The following ZBTB20 variants were observed in gnomAD, a reference collection of about 807,000 sequenced individuals.
ZBTB20 encodes zinc finger and BTB domain containing 20.
Under a neutral mutation model 56.9 loss-of-function variants are expected in ZBTB20, and 9 were observed. The ratio of observed to expected loss-of-function variants is 0.16; its 90% CI spans 0.10 to 0.28. The LOEUF is 0.28. ZBTB20 is among the 10% of genes least tolerant of loss of function. ZBTB20 has a pLI of 1.00. For missense variants in ZBTB20, 655 were observed against 1,003.0 expected, an observed-to-expected ratio of 0.65 and a Z score of 4.69; for synonymous variants, 417 against 420.7, an observed-to-expected ratio of 0.99 and a Z score of 0.11.
chr3:114,409,759 T>C (rs2087746415), intron 7 of ZBTB20, among the ~76,000 whole-genome samples: 1 of 152,100 alleles, frequency 6.6e-6, no homozygotes, highest in African/African-American at 2.4e-5. Flanking sequence ...ACATCTGAAA[T>C]GAAGATGTGC....
chr3:114,496,949 C>T (rs572387567), intron 7 of ZBTB20, among the ~76,000 whole-genome samples: 8 of 152,274 alleles, frequency 5.3e-5, no homozygotes, highest in African/African-American at 9.6e-5. Flanking sequence ...AGGAGGCACG[C>T]GAGCCTGGTG....
At chr3:114,345,676 C>A (rs2080129679) in intron 11 of ZBTB20, among the ~76,000 whole-genome samples, 1 of 152,060 alleles carries the variant, frequency 6.6e-6, no homozygotes, top group Non-Finnish European at 1.5e-5. Context: ...GGCTCCATTG[C>A]CTGAGTTTCT....
At position 115,119,239 on chromosome 3, in the gene ZBTB20, G is replaced by T. The variant is rs553260700; in HGVS notation, c.-703+27980C>A. 2.1e-4 allele frequency among the ~76,000 whole-genome samples: 32 copies of T among 152,196 alleles called. No homozygotes were observed. The East Asian group carries it at 6.0e-3, about 28-fold the overall frequency. On this transcript the variant is annotated intron_variant, in intron 1 of 11. Transcript: ENST00000675478. ...AAGAAACAGAGTATAAAAGTTAAAG[G>T]TATGTGGGTTCTGATTCAGATTGCT...
At chr3:114,636,195 T>A (rs1393968048) in intron 6 of ZBTB20, among the ~76,000 whole-genome samples, 1 of 152,112 alleles carries the variant, frequency 6.6e-6, no homozygotes, top group Non-Finnish European at 1.5e-5. Context: ...AGAAAAGCCA[T>A]CCTTCAATAA....
intron 2 of ZBTB20, among the ~76,000 whole-genome samples, chr3:114,978,660 T>C (rs148947360): frequency 7.3e-6 from 1 of 137,846 alleles, no homozygotes; most frequent in African/African-American, 3.0e-5. Flanking sequence ...TAGATCTGTA[T>C]GTACCAGGTG....
At chr3:114,990,380 G>T (rs1448620910) in intron 2 of ZBTB20, among the ~76,000 whole-genome samples, 3 of 152,062 alleles carry the variant, frequency 2.0e-5, no homozygotes, top group Non-Finnish European at 2.9e-5. Context: ...TTTGTCTTTG[G>T]TTCTGTTTAT....
Position 114,881,035 on chromosome 3 carries a change from G to A in ZBTB20, c.-417+19269C>T, listed in dbSNP as rs1576209942. On this transcript the variant is annotated intron_variant, in intron 4 of 11. Transcript: ENST00000675478. ...ATATTAAAAATAAAATGAAGAGTAG[G>A]AAAAAAGTTAAATGACATTTCCTAA... Among the ~76,000 whole-genome samples, 10 of 152,054 alleles carry A rather than the reference G, an allele frequency of 6.6e-5. No homozygotes were observed. The East Asian group carries it at 1.9e-3, about 29-fold the overall frequency.
Position 114,907,519 on chromosome 3 carries a change from G to C in ZBTB20, c.-455-7177C>G, listed in dbSNP as rs9289005. 4.8e-3 allele frequency among the ~76,000 whole-genome samples: 722 copies of C among 151,888 alleles called. 4 individuals are homozygous for C. The highest frequency in any genetic ancestry group is 0.016 in the African/African-American group (675 of 41,502). ...TCACCCCATCCCCATACTTCTCAGG[G>C]AATATCTACCTGGTACCAATAAGCT... On this transcript the variant is annotated intron_variant, in intron 3 of 11. Transcript: ENST00000675478.
At chr3:114,473,925 TG>T (rs1347003035) in intron 7 of ZBTB20, among the ~76,000 whole-genome samples, 1 of 152,046 alleles carries the variant, frequency 6.6e-6, no homozygotes, top group Non-Finnish European at 1.5e-5. Context: ...TACCCAAGAT[TG>T]GGAAGAAAAA....
In ZBTB20 at chr3:114,314,572, C is replaced by T. The variant is rs1351429043; in HGVS notation, c.*24433G>A. 7 of 147,024 alleles carry T rather than the reference C, an allele frequency of 4.8e-5. No homozygotes were observed. Among genetic ancestry groups the T allele is most frequent in the South Asian group, 2.1e-4 (1 of 4,660 alleles). The allele number at this position is 147,024 out of a possible 1,614,324, so 9.1% of individuals were successfully genotyped here. A position where few individuals can be genotyped will look rare whatever the true frequency, so the allele number is the denominator to read the frequency against. On this transcript the variant is annotated 3_prime_UTR_variant, in exon 12 of 12. Coordinates refer to ENST00000675478, the MANE Select transcript of ZBTB20 (RefSeq NM_001348800.3). ...AACAGTGTGAACTTGTACAATACCT[C>T]GGAAAGTGAAACTTACAAAAAAAGT...
intron 7 of ZBTB20, among the ~76,000 whole-genome samples, chr3:114,416,166 C>T (rs1016614564): frequency 6.6e-6 from 1 of 151,658 alleles, no homozygotes; most frequent in African/African-American, 2.4e-5. Flanking sequence ...TATGGTACAC[C>T]CAGGGATTTA....
At chr3:114,944,908 T>C (rs1229931553) in intron 3 of ZBTB20, among the ~76,000 whole-genome samples, 1 of 145,566 alleles carries the variant, frequency 6.9e-6, no homozygotes, top group Non-Finnish European at 1.5e-5. Flanking sequence ...AGAGATATAC[T>C]GCACAGCATG....
At chr3:114,677,498 G>C (rs2061696787) in intron 6 of ZBTB20, among the ~76,000 whole-genome samples, 1 of 152,082 alleles carries the variant, frequency 6.6e-6, no homozygotes, top group Admixed American at 6.6e-5. Context: ...GATTGAGTCT[G>C]CACACTCCTT....
chr3:114,653,475 G>T (rs958042871), intron 6 of ZBTB20, among the ~76,000 whole-genome samples: 2 of 151,892 alleles, frequency 1.3e-5, no homozygotes, highest in Admixed American at 1.3e-4. Flanking sequence ...AATCCTACTT[G>T]ATCATGAGGT....
At chr3:114,466,312 A>G (rs1324444836) in intron 7 of ZBTB20, among the ~76,000 whole-genome samples, 1 of 152,220 alleles carries the variant, frequency 6.6e-6, no homozygotes, top group Non-Finnish European at 1.5e-5. Flanking sequence ...TAAGGTAGGC[A>G]TCATTATTAT....
intron 10 of ZBTB20, among the ~76,000 whole-genome samples, chr3:114,374,349 C>G (rs2083374460): frequency 1.3e-5 from 2 of 152,074 alleles, no homozygotes; most frequent in South Asian, 4.2e-4. Flanking sequence ...TTAGTTGTAC[C>G]AAAGACACTC....
chr3:115,002,100 T>C (rs1374395603), intron 2 of ZBTB20, among the ~76,000 whole-genome samples: 1 of 151,574 alleles, frequency 6.6e-6, no homozygotes, highest in African/African-American at 2.4e-5. Flanking sequence ...TACAGTCAAC[T>C]GTTCTTTGAC....
At chr3:114,977,252 C>T (rs1457631074) in intron 2 of ZBTB20, among the ~76,000 whole-genome samples, 1 of 152,106 alleles carries the variant, frequency 6.6e-6, no homozygotes, top group Non-Finnish European at 1.5e-5. Context: ...TGCTATGTAA[C>T]AAATAATCAA....
intron 2 of ZBTB20, among the ~76,000 whole-genome samples, chr3:115,053,247 T>C (rs1338579423): frequency 6.6e-6 from 1 of 152,252 alleles, no homozygotes; most frequent in African/African-American, 2.4e-5. Flanking sequence ...CTTCTCCCTA[T>C]AAATCCAACA....
Sources: allele counts gnomAD v4.1 joint callset (sites outside exome capture counted in the v4.1 genomes callset), GRCh38; gene constraint gnomAD v4.1.1; transcripts MANE v1.5; gene names NCBI Gene and HGNC (gene_info 2026-07-23, HGNC 2026-07-21).